The following OSBPL10 variants were observed in gnomAD, a reference collection of about 807,000 sequenced individuals.
OSBPL10 encodes the protein oxysterol binding protein like 10, also known as oxysterol-binding protein-related protein 10.
Under a neutral mutation model 81.7 loss-of-function variants are expected in OSBPL10, and 49 were observed. The ratio of observed to expected loss-of-function variants is 0.60; its 90% CI spans 0.48 to 0.76. The LOEUF (loss-of-function observed/expected upper bound fraction) is 0.76. Ranked by LOEUF, OSBPL10 falls within the 30% of genes least tolerant of loss-of-function variation. OSBPL10 has a pLI of 0.00. For missense variants in OSBPL10, 923 were observed against 987.8 expected, an observed-to-expected ratio of 0.93 and a Z score of 0.88; for synonymous variants, 419 against 383.6, an observed-to-expected ratio of 1.09 and a Z score of -1.08.
chr3:31,907,905 G>A (rs1696457981), intron 1 of OSBPL10, among the ~76,000 whole-genome samples: 1 of 152,124 alleles, frequency 6.6e-6, no homozygotes, highest in Admixed American at 6.5e-5. Flanking sequence ...AACATAGTAA[G>A]TGTCCATAAG....
chr3:31,811,404 G>A (rs907149435), intron 4 of OSBPL10, among the ~76,000 whole-genome samples: 1 of 152,214 alleles, frequency 6.6e-6, no homozygotes, highest in African/African-American at 2.4e-5. Flanking sequence ...TGCGGCGCAG[G>A]GAGGACGGCT....
At chr3:31,971,411 AT>A (rs796469478) in intron 1 of OSBPL10, among the ~76,000 whole-genome samples, 49 of 152,286 alleles carry the variant, frequency 3.2e-4, no homozygotes, top group African/African-American at 1.1e-3. Context: ...GTGTGCTGGG[AT>A]TACAGGCATG....
intron 1 of OSBPL10, among the ~76,000 whole-genome samples, chr3:32,069,610 A>C (rs1699810796): frequency 6.6e-6 from 1 of 152,110 alleles, no homozygotes; most frequent in Non-Finnish European, 1.5e-5. Context: ...GCATTTTATC[A>C]CCCAGTCAGC....
chr3:31,793,178 A>G (rs1184499594), intron 4 of OSBPL10, among the ~76,000 whole-genome samples: 3 of 152,078 alleles, frequency 2.0e-5, no homozygotes, highest in Non-Finnish European at 4.4e-5. Flanking sequence ...TCTCTTTCAT[A>G]TCCTGCCTCC....
intron 3 of OSBPL10, among the ~76,000 whole-genome samples, chr3:31,834,905 T>C (rs1390436190): frequency 6.6e-6 from 1 of 152,182 alleles, no homozygotes; most frequent in East Asian, 1.9e-4. Flanking sequence ...CTAGAAAATG[T>C]AGGTGTCTTC....
upstream of OSBPL10, among the ~76,000 whole-genome samples, chr3:31,985,594 A>T (rs1332516465): frequency 6.6e-6 from 1 of 152,128 alleles, no homozygotes; most frequent in African/African-American, 2.4e-5. Flanking sequence ...CCTTAGGAGG[A>T]TGTTCATGGA....
At chr3:31,923,755 C>T (rs1241203516) in intron 1 of OSBPL10, among the ~76,000 whole-genome samples, 1 of 152,042 alleles carries the variant, frequency 6.6e-6, no homozygotes, top group Admixed American at 6.5e-5. Flanking sequence ...CCATTGCACT[C>T]CAGCCTCAAT....
intron 4 of OSBPL10, among the ~76,000 whole-genome samples, chr3:31,808,666 G>A (rs7649250): frequency 0.88 from 134,557 of 152,302 alleles, 59,798 homozygotes; most frequent in East Asian, 1. Flanking sequence ...TAATTAAAAG[G>A]CACTTGAAAA....
intron 10 of OSBPL10, among the ~76,000 whole-genome samples, chr3:31,668,027 TTTC>T (rs1700240103): frequency 1.3e-5 from 2 of 152,392 alleles, no homozygotes; most frequent in Admixed American, 1.3e-4. Flanking sequence ...AGGTGATTTC[TTTC>T]TTTTGTTGCT....
chr3:31,695,218 G>T (rs1236447771), intron 7 of OSBPL10, among the ~76,000 whole-genome samples: 2 of 152,152 alleles, frequency 1.3e-5, no homozygotes, highest in South Asian at 2.1e-4. Flanking sequence ...CTCTGAAAGG[G>T]TTCAAAATAC....
intron 6 of OSBPL10, among the ~76,000 whole-genome samples, chr3:31,731,646 GC>G (rs898625674): frequency 2.2e-4 from 34 of 152,012 alleles, no homozygotes; most frequent in African/African-American, 8.0e-4. Context: ...GTGCCACCAC[GC>G]CCAGCTAATT....
At chr3:31,919,927 G>A (rs1429634064) in intron 1 of OSBPL10, among the ~76,000 whole-genome samples, 2 of 152,204 alleles carry the variant, frequency 1.3e-5, no homozygotes, top group Non-Finnish European at 2.9e-5. Context: ...TTAAGATAAT[G>A]CATTTTAGCT....
chr3:31,947,082 T>A (rs1387866039), intron 1 of OSBPL10, among the ~76,000 whole-genome samples: 1 of 152,104 alleles, frequency 6.6e-6, no homozygotes, highest in African/African-American at 2.4e-5. Flanking sequence ...GCTGGTTAGA[T>A]ACTAGAGAAC....
chr3:31,798,030 T>C (rs116378392), intron 4 of OSBPL10, among the ~76,000 whole-genome samples: 455 of 152,328 alleles, frequency 3.0e-3, no homozygotes, highest in African/African-American at 0.01. Context: ...TGTCTTAATA[T>C]ATTTTTCTAC....
In OSBPL10 at chr3:32,039,387, T is replaced by C. The variant is rs1699550361; in HGVS notation, n.298+7104A>G. Among the ~76,000 whole-genome samples, 6 of 149,102 alleles carry C rather than the reference T, an allele frequency of 4.0e-5. No homozygotes were observed. The South Asian group carries it at 1.3e-3, about 32-fold the overall frequency. ...AAAAAAAAAAGAGGGCTGGGTATGG[T>C]GGCTCATGCCTATAATCCCAGCACT... On this transcript the variant is annotated intron_variant and non_coding_transcript_variant, in intron 2 of 3. Coordinates refer to the OSBPL10 transcript ENST00000479173.
Position 31,879,665 on chromosome 3 carries a change from A to T in OSBPL10, c.447T>A (p.Phe149Leu), listed in dbSNP as rs1695496351. Residue 149 changes from phenylalanine (F) to leucine (L), a missense_variant, in exon 2 of 12, where the codon TTT (phenylalanine) becomes TTA (leucine). Phe to Leu is a conservative substitution (Grantham distance 22). Coordinates refer to ENST00000396556, the MANE Select transcript of OSBPL10 (RefSeq NM_017784.5). ...LVVYSANGEM[F>L]KLRAADAKEK... is the part of the protein sequence containing the mutation. ...GGGAGAAGAACGCACCTCTCAGTTTAAACATCTCTCCATTAGCAGAGTACA... is the reference window on the plus strand; with the variant it reads ...GGGAGAAGAACGCACCTCTCAGTTTTAACATCTCTCCATTAGCAGAGTACA... 1.2e-6 allele frequency: 2 copies of T among 1,612,070 alleles called. No individual in the cohort carries two copies. Among genetic ancestry groups the T allele is most frequent in the Non-Finnish European group, 1.7e-6 (2 of 1,179,474 alleles).
chr3:32,026,057 T>TGATTGATA (rs1553649759), intron 2 of OSBPL10, among the ~76,000 whole-genome samples: 4 of 111,232 alleles, frequency 3.6e-5, no homozygotes, highest in Non-Finnish European at 7.5e-5. Flanking sequence ...GATAGATAGA[T>TGATTGATA]GATAGATAGA....
intron 1 of OSBPL10, among the ~76,000 whole-genome samples, chr3:32,059,927 A>C (rs565665179): frequency 1.1e-4 from 16 of 152,102 alleles, no homozygotes; most frequent in Admixed American, 9.2e-4. Flanking sequence ...AAAGAAAAAA[A>C]ACAGGCTAAA....
chr3:32,058,241 G>A (rs916378786), intron 1 of OSBPL10, among the ~76,000 whole-genome samples: 1 of 152,204 alleles, frequency 6.6e-6, no homozygotes, highest in Non-Finnish European at 1.5e-5. Flanking sequence ...GGATAGATAT[G>A]TGATAAACCA....
Sources: allele counts gnomAD v4.1 joint callset (sites outside exome capture counted in the v4.1 genomes callset), GRCh38; gene constraint gnomAD v4.1.1; transcripts MANE v1.5; gene names NCBI Gene and HGNC (gene_info 2026-07-23, HGNC 2026-07-21).